Variants in HEMK2 observed in about 807,000 individuals in gnomAD.
HEMK2 encodes the protein methyltransferase HEMK2.
At chr21:28,610,862 T>C in the HEMK2 span, among the ~76,000 whole-genome samples, 11 of 152,242 alleles carry the variant, frequency 7.2e-5, no homozygotes, top group African/African-American at 2.6e-4. Context: ...ATTCTAAATA[T>C]ATATGCACCT....
At chr21:28,852,171 T>C in the HEMK2 span, among the ~76,000 whole-genome samples, 11 of 152,320 alleles carry the variant, frequency 7.2e-5, no homozygotes, top group Non-Finnish European at 1.2e-4. Context: ...AGGGATGAGA[T>C]ATTGTTTTTG....
chr21:28,692,409 T>C, the HEMK2 span, among the ~76,000 whole-genome samples: 3 of 152,196 alleles, frequency 2.0e-5, no homozygotes, highest in Admixed American at 2.0e-4. Context: ...TATGCAATGA[T>C]TAAAAATTCT....
the HEMK2 span, among the ~76,000 whole-genome samples, chr21:28,598,717 A>T: frequency 2.6e-5 from 4 of 152,192 alleles, no homozygotes; most frequent in Non-Finnish European, 5.9e-5. Context: ...GATTCCTGGG[A>T]ATTCTATAGA....
chr21:28,817,446 T>C, the HEMK2 span, among the ~76,000 whole-genome samples: 1 of 152,214 alleles, frequency 6.6e-6, no homozygotes, highest in African/African-American at 2.4e-5. Context: ...TAATTACCTT[T>C]TATAAACAAA....
chr21:28,820,274 A>T, the HEMK2 span, among the ~76,000 whole-genome samples: 59 of 152,226 alleles, frequency 3.9e-4, 1 homozygote, highest in Admixed American at 2.1e-3. Flanking sequence ...CTTGCCTCTC[A>T]ATCCTCTGCC....
At chr21:28,674,131 A>G in the HEMK2 span, among the ~76,000 whole-genome samples, 1 of 152,188 alleles carries the variant, frequency 6.6e-6, no homozygotes, top group Non-Finnish European at 1.5e-5. Flanking sequence ...GACAAGAGTA[A>G]TCTCTGGTCA....
At chr21:28,630,714 G>A in the HEMK2 span, among the ~76,000 whole-genome samples, 2 of 145,612 alleles carry the variant, frequency 1.4e-5, no homozygotes, top group African/African-American at 5.1e-5. Context: ...TCACTCATAG[G>A]TGGGAATTGA....
the HEMK2 span, among the ~76,000 whole-genome samples, chr21:28,631,058 C>T: frequency 6.6e-6 from 1 of 152,100 alleles, no homozygotes; most frequent in Non-Finnish European, 1.5e-5. Flanking sequence ...AGTATGTGTG[C>T]CTCTCTCACC....
the HEMK2 span, among the ~76,000 whole-genome samples, chr21:28,727,260 G>A: frequency 6.6e-6 from 1 of 152,126 alleles, no homozygotes; most frequent in African/African-American, 2.4e-5. Context: ...GCATCCCCAG[G>A]ACACCCACAC....
At chr21:28,800,523 C>T in the HEMK2 span, among the ~76,000 whole-genome samples, 1 of 151,920 alleles carries the variant, frequency 6.6e-6, no homozygotes, top group East Asian at 1.9e-4. Flanking sequence ...TGCTTATACA[C>T]ATTATATATA....
the HEMK2 span, among the ~76,000 whole-genome samples, chr21:28,844,246 G>A: frequency 6.6e-6 from 1 of 151,894 alleles, no homozygotes; most frequent in African/African-American, 2.4e-5. Context: ...CTCAACAGTG[G>A]CTGATGGTCA....
the HEMK2 span, among the ~76,000 whole-genome samples, chr21:28,777,422 AG>A: frequency 6.6e-6 from 1 of 152,314 alleles, no homozygotes; most frequent in Admixed American, 6.5e-5. Context: ...ACTTCTCCTC[AG>A]GTCTTATTGG....
the HEMK2 span, among the ~76,000 whole-genome samples, chr21:28,785,856 CATATTT>C: frequency 6.6e-6 from 1 of 152,184 alleles, no homozygotes; most frequent in Non-Finnish European, 1.5e-5. Context: ...TTACCATTAG[CATATTT>C]TAGTCCTTCT....
the HEMK2 span, among the ~76,000 whole-genome samples, chr21:28,764,084 T>C: frequency 1.3e-5 from 2 of 152,214 alleles, no homozygotes; most frequent in Non-Finnish European, 2.9e-5. Context: ...TTTCTCTTTT[T>C]TTCCTAACTC....
the HEMK2 span, among the ~76,000 whole-genome samples, chr21:28,813,355 G>C: frequency 1.3e-5 from 2 of 150,020 alleles, no homozygotes; most frequent in East Asian, 3.9e-4. Flanking sequence ...ATTCACAATT[G>C]CTACAAAGAG....
the HEMK2 span, chr21:28,878,351 G>A: frequency 6.2e-7 from 1 of 1,610,992 alleles, no homozygotes; most frequent in South Asian, 1.1e-5. Context: ...CAATTAGAAA[G>A]AATGTTTTCT....
chr21:28,756,846 C>T, the HEMK2 span, among the ~76,000 whole-genome samples: 1 of 152,212 alleles, frequency 6.6e-6, no homozygotes, highest in Non-Finnish European at 1.5e-5. Context: ...CCTTCAGCAT[C>T]TAGACAATGT....
At chr21:28,619,634 C>T in the HEMK2 span, among the ~76,000 whole-genome samples, 10 of 152,106 alleles carry the variant, frequency 6.6e-5, no homozygotes, top group East Asian at 1.9e-4. Flanking sequence ...TTTAACATAC[C>T]TTCTTTTAGA....
At chr21:28,596,594 C>T in the HEMK2 span, among the ~76,000 whole-genome samples, 12 of 152,168 alleles carry the variant, frequency 7.9e-5, no homozygotes, top group Admixed American at 3.9e-4. Flanking sequence ...AGAATATTCA[C>T]ATTATCATAA....
Sources: allele counts gnomAD v4.1 joint callset (sites outside exome capture counted in the v4.1 genomes callset), GRCh38; gene constraint gnomAD v4.1.1; transcripts MANE v1.5; gene names NCBI Gene and HGNC (gene_info 2026-07-23, HGNC 2026-07-21).